SLC24A3: variants seen among roughly 807,000 people sequenced by gnomAD.
SLC24A3 encodes sodium/potassium/calcium exchanger 3.
SLC24A3 carries 28 observed loss-of-function variants against 75.8 expected under a neutral mutation model. The observed-to-expected ratio is 0.37, with a 90% CI of 0.27 to 0.51. The LOEUF is 0.51. Ranked by LOEUF, SLC24A3 falls within the 20% of genes least tolerant of loss-of-function variation. SLC24A3 has a pLI of 0.94. For missense variants in SLC24A3, 663 were observed against 847.8 expected (o/e 0.78, Z 2.71); for synonymous variants, 372 against 334.1 (o/e 1.11, Z -1.24).
chr20:19,331,167 T>C (rs1229967306), intron 2 of SLC24A3, among the ~76,000 whole-genome samples: 1 of 152,088 alleles, frequency 6.6e-6, no homozygotes, highest in Non-Finnish European at 1.5e-5. Context: ...AGTTTGAAAA[T>C]GGACAGAAGT....
At chr20:19,593,181 G>A (rs2031403499) in intron 6 of SLC24A3, among the ~76,000 whole-genome samples, 1 of 152,102 alleles carries the variant, frequency 6.6e-6, no homozygotes, top group Non-Finnish European at 1.5e-5. Context: ...CCATTTTTGG[G>A]GCACAAATGT....
chr20:19,236,471 G>C lies in SLC24A3; in HGVS notation c.142+23487G>C, dbSNP rs57991053. On this transcript the variant is annotated intron_variant, in intron 1 of 16. Coordinates refer to ENST00000328041, the MANE Select transcript of SLC24A3 (RefSeq NM_020689.4). ...CTAGTTTTAGAGAAAAAATAAGCAG[G>C]CTTGTCATGGTGGCTCATGCCTATA... Among the ~76,000 whole-genome samples the C allele has an allele frequency of 9.3e-3, 1,417 of 152,260 alleles. 20 individuals are homozygous for C. Among genetic ancestry groups the C allele is most frequent in the African/African-American group, 0.032 (1,332 of 41,536 alleles).
At chr20:19,531,389 C>G (rs1031909957) in intron 3 of SLC24A3, among the ~76,000 whole-genome samples, 5 of 152,200 alleles carry the variant, frequency 3.3e-5, no homozygotes, top group Admixed American at 2.6e-4. Context: ...GGAAATATGT[C>G]AAGTACAAAT....
chr20:19,557,232 C>A (rs1191380769), intron 3 of SLC24A3, among the ~76,000 whole-genome samples: 1 of 152,148 alleles, frequency 6.6e-6, no homozygotes, highest in Non-Finnish European at 1.5e-5. Context: ...CTTGTGAAAT[C>A]CTCTCCCAAT....
intron 2 of SLC24A3, among the ~76,000 whole-genome samples, chr20:19,362,929 A>C (rs1252381458): frequency 1.3e-5 from 2 of 152,214 alleles, no homozygotes; most frequent in Non-Finnish European, 2.9e-5. Context: ...ATGTAGCTGA[A>C]ATCACTCAGC....
intron 1 of SLC24A3, among the ~76,000 whole-genome samples, chr20:19,236,678 C>T (rs1438296924): frequency 6.6e-6 from 1 of 152,162 alleles, no homozygotes; most frequent in Non-Finnish European, 1.5e-5. Context: ...ATCATTTGAG[C>T]CCAGGCGTTT....
chr20:19,697,032 A>G, intron 14 of SLC24A3, 121 bp downstream of exon 14: 1 of 532,496 alleles, frequency 1.9e-6, no homozygotes, highest in Non-Finnish European at 3.4e-6. Context: ...GGGAGAAGAG[A>G]AGGAAAGAGG....
chr20:19,328,225 G>C (rs1984915779), intron 2 of SLC24A3, among the ~76,000 whole-genome samples: 1 of 152,090 alleles, frequency 6.6e-6, no homozygotes, highest in South Asian at 2.1e-4. Context: ...TGAGGGAGGA[G>C]GAGAGGAGTT....
In SLC24A3 at chr20:19,701,428, G is replaced by A. The variant is rs550042849; in HGVS notation, c.1719+2748G>A. 2.0e-4 allele frequency among the ~76,000 whole-genome samples: 31 copies of A among 152,254 alleles called. 1 individual carries two copies. Among genetic ancestry groups the A allele is most frequent in the African/African-American group, 7.0e-4 (29 of 41,536 alleles). On this transcript the variant is annotated intron_variant, in intron 15 of 16. Transcript: ENST00000328041. The stretch of plus-strand genomic sequence containing the variant: ...GCTTCATGAGCAAAGGGTGGAGATG[G>A]GAGATTACTGGTTCCTTCAGTAATG...
At position 19,265,056 on chromosome 20, in the gene SLC24A3, C is replaced by G. The variant is rs1983121998; in HGVS notation, c.143-15903C>G. Among the ~76,000 whole-genome samples, 8 of 152,306 alleles carry G rather than the reference C, an allele frequency of 5.3e-5. No homozygotes were observed. In the South Asian group the frequency reaches 1.7e-3, roughly 32 times the overall value. On this transcript the variant is annotated intron_variant, in intron 1 of 16. Coordinates refer to ENST00000328041, the MANE Select transcript of SLC24A3 (RefSeq NM_020689.4). ...TGTCTCAGACTTGGCTGTTGGAAAA[C>G]CCAAACCAGGACACCTTTCAACGTT... is the stretch of plus-strand genomic sequence containing the variant.
chr20:19,304,920 G>A (rs1213079259), intron 2 of SLC24A3, among the ~76,000 whole-genome samples: 3 of 152,150 alleles, frequency 2.0e-5, no homozygotes, highest in Non-Finnish European at 4.4e-5. Context: ...TGAACTTTAA[G>A]ACCTGATGAG....
chr20:19,584,479 G>T (rs991169600), intron 4 of SLC24A3, among the ~76,000 whole-genome samples: 6 of 152,182 alleles, frequency 3.9e-5, no homozygotes, highest in African/African-American at 1.2e-4. Context: ...TTGCATAAAA[G>T]GTTGGATTAT....
intron 2 of SLC24A3, among the ~76,000 whole-genome samples, chr20:19,429,134 C>A (rs928941681): frequency 6.6e-6 from 1 of 152,226 alleles, no homozygotes; most frequent in African/African-American, 2.4e-5. Flanking sequence ...TTACTAAATG[C>A]AAAAGAGGTA....
Position 19,580,357 on chromosome 20 carries a change from C to T in SLC24A3, c.423+283C>T, listed in dbSNP as rs565465165. Among the ~76,000 whole-genome samples, 19 of 152,156 alleles carry T rather than the reference C, an allele frequency of 1.2e-4. 1 individual carries two copies. The South Asian group carries it at 3.9e-3, about 32-fold the overall frequency. On this transcript the variant is annotated intron_variant, in intron 4 of 16. Transcript: ENST00000328041. Reference sequence around the variant, plus strand: ...AACTAATGGTACTATTTGTGTTTTCCTTCCCCATTTTCTTTTCCTTTTAAA... The same window carrying T: ...AACTAATGGTACTATTTGTGTTTTCTTTCCCCATTTTCTTTTCCTTTTAAA...
At chr20:19,718,514 C>T (rs774811928) in intron 16 of SLC24A3, among the ~76,000 whole-genome samples, 7 of 152,206 alleles carry the variant, frequency 4.6e-5, no homozygotes, top group African/African-American at 1.4e-4. Context: ...ACCTATTATA[C>T]AAATGAGCGA....
chr20:19,565,774 C>G (rs1472105390), intron 3 of SLC24A3, among the ~76,000 whole-genome samples: 1 of 152,176 alleles, frequency 6.6e-6, no homozygotes, highest in East Asian at 1.9e-4. Flanking sequence ...GGGAATTCTG[C>G]ATCTTCAGTG....
rs552552512 is a variant in SLC24A3, at chr20:19,473,276, T to A, written c.272-42212T>A. On this transcript the variant is annotated intron_variant, in intron 2 of 16. Transcript: ENST00000328041. ...AAAGCACATGTTCTTTAGAACTCTG[T>A]AAAACAAGATAGAGATTATTTATTT... Among the ~76,000 whole-genome samples the A allele has an allele frequency of 7.9e-5, 12 of 152,334 alleles. No homozygotes were observed. The East Asian group carries it at 2.3e-3, about 29-fold the overall frequency.
At chr20:19,374,225 A>G (rs896454226) in intron 2 of SLC24A3, among the ~76,000 whole-genome samples, 5 of 152,030 alleles carry the variant, frequency 3.3e-5, no homozygotes, top group Admixed American at 1.3e-4. Flanking sequence ...CTTAGATATA[A>G]CTCAAATATC....
intron 2 of SLC24A3, among the ~76,000 whole-genome samples, chr20:19,345,517 A>G (rs1487808175): frequency 2.6e-5 from 4 of 152,234 alleles, no homozygotes; most frequent in Non-Finnish European, 5.9e-5. Flanking sequence ...AAGCTACGGT[A>G]ATCAAGACAA....
Sources: allele counts gnomAD v4.1 joint callset (sites outside exome capture counted in the v4.1 genomes callset), GRCh38; gene constraint gnomAD v4.1.1; transcripts MANE v1.5; gene names NCBI Gene and HGNC (gene_info 2026-07-23, HGNC 2026-07-21).